Variants in DOK6 observed in about 807,000 individuals in gnomAD.
DOK6 encodes the protein docking protein 6, also known as downstream of tyrosine kinase 6.
A neutral mutation model predicts 44.0 loss-of-function variants in DOK6; 22 were observed. The observed-to-expected ratio is 0.50, with a 90% CI of 0.36 to 0.71. The LOEUF (loss-of-function observed/expected upper bound fraction) is 0.71. Among genes scored for constraint, DOK6 ranks in the 30% least tolerant of loss-of-function variants. The pLI, the probability that DOK6 is intolerant of heterozygous loss-of-function variation, is 0.00. For missense variants in DOK6, 340 were observed against 416.4 expected (o/e 0.82, Z 1.60); for synonymous variants, 166 against 145.5 (o/e 1.14, Z -1.01).
At chr18:69,756,219 AT>A (rs1413000151) in intron 6 of DOK6, among the ~76,000 whole-genome samples, 4 of 152,142 alleles carry the variant, frequency 2.6e-5, no homozygotes, top group Non-Finnish European at 4.4e-5. Flanking sequence ...TGCCGTTATT[AT>A]TGTTACCAAA....
chr18:69,740,500 A>G (rs1385045436), intron 6 of DOK6, among the ~76,000 whole-genome samples: 2 of 152,146 alleles, frequency 1.3e-5, no homozygotes, highest in African/African-American at 4.8e-5. Flanking sequence ...GTTGTTTTAA[A>G]CAAGCAAAAG....
chr18:69,755,731 G>A (rs1348347695), intron 6 of DOK6, among the ~76,000 whole-genome samples: 1 of 152,192 alleles, frequency 6.6e-6, no homozygotes, highest in East Asian at 1.9e-4. Context: ...CCACTGTTAG[G>A]TCCGGGGTAA....
At position 69,714,827 on chromosome 18, in the gene DOK6, A is replaced by C. The variant is rs150586671; in HGVS notation, c.599+16234A>C. ...CAAAATGTGATGAGTGTATTTATAT[A>C]AATTTAGGTAAGTTGGATTATACTT... is the stretch of plus-strand genomic sequence containing the variant. On this transcript the variant is annotated intron_variant, in intron 5 of 7. Transcript: ENST00000382713. Among the ~76,000 whole-genome samples the C allele has an allele frequency of 1.9e-3, 283 of 152,308 alleles. 1 individual carries two copies. The highest frequency in any genetic ancestry group is 6.5e-3 in the African/African-American group (272 of 41,578).
At chr18:69,503,713 T>C (rs2061766447) in intron 1 of DOK6, among the ~76,000 whole-genome samples, 1 of 151,956 alleles carries the variant, frequency 6.6e-6, no homozygotes, top group Non-Finnish European at 1.5e-5. Context: ...AACTTAATAA[T>C]TTAGAGCATG....
chr18:69,445,134 GC>G (rs1346639407), intron 1 of DOK6, among the ~76,000 whole-genome samples: 1 of 151,958 alleles, frequency 6.6e-6, no homozygotes, highest in African/African-American at 2.4e-5. Context: ...AATTGCTACG[GC>G]ATGGAAATGC....
chr18:69,484,548 C>A (rs1376279207), intron 1 of DOK6, among the ~76,000 whole-genome samples: 4 of 152,146 alleles, frequency 2.6e-5, no homozygotes, highest in Non-Finnish European at 5.9e-5. Context: ...TAATACTGAA[C>A]CATTGCTCCT....
intron 2 of DOK6, among the ~76,000 whole-genome samples, chr18:69,575,959 G>A (rs2144606309): frequency 6.6e-6 from 1 of 152,136 alleles, no homozygotes; most frequent in East Asian, 1.9e-4. Context: ...AATCACAGAA[G>A]TTTTTAAATA....
At chr18:69,778,987 C>A (rs1480427116) in intron 7 of DOK6, among the ~76,000 whole-genome samples, 1 of 152,182 alleles carries the variant, frequency 6.6e-6, no homozygotes, top group Non-Finnish European at 1.5e-5. Context: ...CTATTTGAAT[C>A]TTTTACAAAA....
chr18:69,413,945 C>A (rs755590979), intron 1 of DOK6, among the ~76,000 whole-genome samples: 12 of 151,808 alleles, frequency 7.9e-5, no homozygotes, highest in Non-Finnish European at 1.6e-4. Flanking sequence ...CATGAACATA[C>A]ATTTCACCAA....
At chr18:69,794,922 A>G (rs1336254110) in intron 7 of DOK6, among the ~76,000 whole-genome samples, 1 of 152,118 alleles carries the variant, frequency 6.6e-6, no homozygotes, top group Non-Finnish European at 1.5e-5. Context: ...TCACCCCCAT[A>G]TAGGACTGTC....
At chr18:69,546,893 C>T (rs189081111) in intron 1 of DOK6, among the ~76,000 whole-genome samples, 6 of 151,426 alleles carry the variant, frequency 4.0e-5, no homozygotes, top group East Asian at 1.9e-4. Context: ...AAGAAATATC[C>T]GAGACTGGGT....
intron 1 of DOK6, among the ~76,000 whole-genome samples, chr18:69,475,854 AT>A (rs1177092788): frequency 3.2e-4 from 48 of 152,168 alleles, no homozygotes; most frequent in Admixed American, 1.0e-3. Context: ...TGAGCCACTT[AT>A]CATAGCTATT....
chr18:69,652,566 G>A (rs1444272762), intron 3 of DOK6, among the ~76,000 whole-genome samples: 1 of 152,156 alleles, frequency 6.6e-6, no homozygotes, highest in Non-Finnish European at 1.5e-5. Context: ...GAGAACTCTA[G>A]AGATCCACCC....
At position 69,843,586 on chromosome 18, in the gene DOK6, G is replaced by T. The variant is rs1019497171; in HGVS notation, c.*2203G>T. The stretch of plus-strand genomic sequence containing the variant: ...AGCACAAACAGCGAGTCCAGGGAGG[G>T]ATTCTGCTAATCAGATGAGTCTGCT... On this transcript the variant is annotated 3_prime_UTR_variant, in exon 8 of 8. Transcript: ENST00000382713. 6.6e-6 allele frequency: 1 copy of T among 152,250 alleles called. No individual in the cohort carries two copies. Among genetic ancestry groups the T allele is most frequent in the African/African-American group, 2.4e-5 (1 of 41,452 alleles). 9.4% of individuals were successfully genotyped at this position (152,250 alleles called of 1,614,324 possible). A position where few individuals can be genotyped will look rare whatever the true frequency, so the allele number is the denominator to read the frequency against.
At chr18:69,816,455 A>G (rs778131841) in intron 7 of DOK6, among the ~76,000 whole-genome samples, 43 of 152,220 alleles carry the variant, frequency 2.8e-4, no homozygotes, top group Non-Finnish European at 5.1e-4. Flanking sequence ...AATTCACCAT[A>G]CAACCTTAAA....
At chr18:69,576,149 G>C (rs934454227) in intron 2 of DOK6, among the ~76,000 whole-genome samples, 1 of 152,078 alleles carries the variant, frequency 6.6e-6, no homozygotes, top group Non-Finnish European at 1.5e-5. Flanking sequence ...CTCCTTTTAT[G>C]AGAAAGGCGA....
intron 5 of DOK6, among the ~76,000 whole-genome samples, chr18:69,726,518 C>T (rs1978308416): frequency 6.6e-6 from 1 of 152,066 alleles, no homozygotes; most frequent in African/African-American, 2.4e-5. Flanking sequence ...CCTAAGTATG[C>T]CTTGCCCTGG....
intron 3 of DOK6, among the ~76,000 whole-genome samples, chr18:69,602,664 C>G (rs1983899724): frequency 6.6e-6 from 1 of 152,064 alleles, no homozygotes; most frequent in African/African-American, 2.4e-5. Flanking sequence ...TAGATATAGG[C>G]TATATAGGAA....
At chr18:69,655,335 A>C (rs1385931122) in intron 3 of DOK6, among the ~76,000 whole-genome samples, 2 of 152,216 alleles carry the variant, frequency 1.3e-5, no homozygotes, top group Non-Finnish European at 2.9e-5. Context: ...GAATATATGT[A>C]AAAGAAACAA....
Sources: gnomAD v4.1 joint callset for allele counts (sites outside exome capture counted in the v4.1 genomes callset) on GRCh38, gnomAD v4.1.1 for gene constraint, MANE v1.5 for transcripts, NCBI Gene and HGNC (gene_info 2026-07-23, HGNC 2026-07-21) for gene names.